The following MCTP2 variants were observed in gnomAD, a reference collection of about 807,000 sequenced individuals.
MCTP2 encodes the protein multiple C2 and transmembrane domain containing 2, also known as multiple C2 and transmembrane domain-containing protein 2.
MCTP2 carries 132 observed loss-of-function variants against 111.6 expected under a neutral mutation model. The observed-to-expected ratio is 1.18, with a 90% CI of 1.03 to 1.37. The LOEUF is 1.37. Ranked by LOEUF, MCTP2 falls within the 40% of genes most tolerant of loss-of-function variation. The pLI, the probability that MCTP2 is intolerant of heterozygous loss-of-function variation, is 0.00. For missense variants in MCTP2, 1,183 were observed against 1,067.9 expected (o/e 1.11, Z -1.50); for synonymous variants, 395 against 387.7 (o/e 1.02, Z -0.22).
chr15:94,310,807 G>T (rs559065000), intron 2 of MCTP2, among the ~76,000 whole-genome samples: 1 of 151,438 alleles, frequency 6.6e-6, no homozygotes, highest in East Asian at 1.9e-4. Flanking sequence ...AAGTGTGATG[G>T]TGTGCACTTG....
chr15:94,420,798 A>G (rs759384870), intron 17 of MCTP2, among the ~76,000 whole-genome samples: 2 of 152,212 alleles, frequency 1.3e-5, no homozygotes, highest in Non-Finnish European at 2.9e-5. Flanking sequence ...GACTTAGAAT[A>G]TTCCATCTTG....
chr15:94,395,160 A>G (rs554275755), intron 14 of MCTP2, among the ~76,000 whole-genome samples: 1 of 152,334 alleles, frequency 6.6e-6, no homozygotes, highest in African/African-American at 2.4e-5. Context: ...GCCCAGCCAC[A>G]TGTCTGTCCT....
At chr15:94,393,356 A>C (rs17630989) in intron 14 of MCTP2, among the ~76,000 whole-genome samples, 7,620 of 152,310 alleles carry the variant, frequency 0.05, 245 homozygotes, top group Middle Eastern at 0.078. Flanking sequence ...AATTTATAAT[A>C]AACTTGAAGG....
At chr15:94,311,348 T>A (rs1460609065) in intron 2 of MCTP2, among the ~76,000 whole-genome samples, 1 of 152,172 alleles carries the variant, frequency 6.6e-6, no homozygotes, top group African/African-American at 2.4e-5. Flanking sequence ...TTTAAAAATC[T>A]CGTAATATTG....
intron 2 of MCTP2, among the ~76,000 whole-genome samples, chr15:94,303,718 G>A (rs2152343810): frequency 6.6e-6 from 1 of 152,144 alleles, no homozygotes; most frequent in South Asian, 2.1e-4. Context: ...ATTTGGGTGG[G>A]GACACGGAGC....
At chr15:94,383,602 A>C (rs1330599232) in intron 12 of MCTP2, among the ~76,000 whole-genome samples, 1 of 152,216 alleles carries the variant, frequency 6.6e-6, no homozygotes, top group Non-Finnish European at 1.5e-5. Context: ...GCAAAAGAGA[A>C]TGAGAGCCAA....
intron 12 of MCTP2, among the ~76,000 whole-genome samples, chr15:94,380,438 G>T (rs1483728715): frequency 6.6e-6 from 1 of 152,110 alleles, no homozygotes; most frequent in Non-Finnish European, 1.5e-5. Context: ...TCAGTTTAGT[G>T]CTAGGAACAT....
chr15:94,326,219 G>T (rs1040879834), intron 4 of MCTP2, among the ~76,000 whole-genome samples: 1 of 152,028 alleles, frequency 6.6e-6, no homozygotes, highest in African/African-American at 2.4e-5. Context: ...ATTTTTCTCT[G>T]TATTATAAAA....
At chr15:94,476,168 G>T (rs1322115133) in intron 21 of MCTP2, among the ~76,000 whole-genome samples, 2 of 152,098 alleles carry the variant, frequency 1.3e-5, no homozygotes, top group African/African-American at 4.8e-5. Context: ...GGTTTTCTTT[G>T]TAACAACAAG....
chr15:94,260,796 A>G (rs759959191), intron 1 of MCTP2, among the ~76,000 whole-genome samples: 8 of 152,138 alleles, frequency 5.3e-5, no homozygotes, highest in Non-Finnish European at 1.2e-4. Context: ...CGGCATTCCA[A>G]CGTTAACCTG....
intron 8 of MCTP2, among the ~76,000 whole-genome samples, chr15:94,348,014 G>A (rs929756470): frequency 3.3e-5 from 5 of 152,050 alleles, no homozygotes; most frequent in Admixed American, 6.5e-5. Context: ...TACTTTAGAT[G>A]AATTTTTACC....
At chr15:94,413,920 A>G (rs1017273625) in intron 17 of MCTP2, among the ~76,000 whole-genome samples, 1 of 152,108 alleles carries the variant, frequency 6.6e-6, no homozygotes, top group East Asian at 1.9e-4. Context: ...GCTTTTTGTG[A>G]CTATATATAT....
chr15:94,388,721 A>T (rs1466169832), intron 14 of MCTP2, among the ~76,000 whole-genome samples: 1 of 152,186 alleles, frequency 6.6e-6, no homozygotes. Flanking sequence ...CTGAACCATC[A>T]GTTCTCTAAG....
At chr15:94,442,267 C>G (rs1053070636) in intron 18 of MCTP2, among the ~76,000 whole-genome samples, 1 of 152,112 alleles carries the variant, frequency 6.6e-6, no homozygotes, top group Admixed American at 6.5e-5. Context: ...AAACTCTGGC[C>G]ATTAAATAGC....
intron 19 of MCTP2, among the ~76,000 whole-genome samples, chr15:94,448,661 C>T (rs2084265734): frequency 6.6e-6 from 1 of 152,158 alleles, no homozygotes; most frequent in Non-Finnish European, 1.5e-5. Flanking sequence ...TGGTCCCAAG[C>T]ATTTTGGATA....
chr15:94,296,913 A>C (rs1277394779), intron 1 of MCTP2, among the ~76,000 whole-genome samples: 1 of 152,232 alleles, frequency 6.6e-6, no homozygotes, highest in East Asian at 1.9e-4. Flanking sequence ...CTATAGAGAC[A>C]AAGTCCTGAC....
chr15:94,328,683 A>G (rs2077000412), intron 4 of MCTP2, among the ~76,000 whole-genome samples: 2 of 152,160 alleles, frequency 1.3e-5, no homozygotes, highest in Admixed American at 1.3e-4. Flanking sequence ...GAAGGGTGTT[A>G]TTCTTGAGAC....
rs2078618051 is a variant in MCTP2, at chr15:94,356,250, G to A, written c.1119G>A (p.Met373Ile). The change falls in exon 9 of 23, where the codon ATG becomes ATA. Residue 373 changes from methionine (M) to isoleucine (I), a missense_variant. By Grantham distance (10) the Met-to-Ile change is conservative. Transcript: ENST00000357742. The part of the protein sequence containing the change: ...LEGKNVSGGS[M>I]TEMFVQLKLG... ...GGAAGAATGTCTCAGGAGGAAGCAT[G>A]ACAGAGATGTTTGTCCAGTTAAAAC... 6.2e-7 allele frequency: 1 copy of A among 1,612,710 alleles called. No homozygotes were observed. Among genetic ancestry groups the A allele is most frequent in the African/African-American group, 1.3e-5 (1 of 74,826 alleles).
chr15:94,444,004 A>AAAAAAG (rs2083969473), intron 19 of MCTP2, among the ~76,000 whole-genome samples: 1 of 149,880 alleles, frequency 6.7e-6, no homozygotes, highest in Non-Finnish European at 1.5e-5. Context: ...AAAAAAAAAA[A>AAAAAAG]AACAGAAGTA....
Sources: allele counts gnomAD v4.1 joint callset (sites outside exome capture counted in the v4.1 genomes callset), GRCh38; gene constraint gnomAD v4.1.1; transcripts MANE v1.5; gene names NCBI Gene and HGNC (gene_info 2026-07-23, HGNC 2026-07-21).